MYOF: variants seen among roughly 807,000 people sequenced by gnomAD.
MYOF encodes the protein fer-1-like 3, myoferlin.
In MYOF, 244 loss-of-function variants were observed where a neutral mutation model predicts 284.2. The observed-to-expected ratio is 0.86, with a 90% CI of 0.77 to 0.95. MYOF has a LOEUF of 0.95. Among genes scored for constraint, MYOF ranks in the 40% least tolerant of loss-of-function variants. The probability of loss-of-function intolerance (pLI) is 0.00; values close to 1 mark genes in which losing one functional copy is unlikely to be tolerated. For missense variants in MYOF, 2,496 were observed against 2,560.6 expected (o/e 0.97, Z 0.54); for synonymous variants, 904 against 919.7 (o/e 0.98, Z 0.31).
At chr10:93,469,532 C>T (rs1240676850) in intron 1 of MYOF, among the ~76,000 whole-genome samples, 1 of 152,178 alleles carries the variant, frequency 6.6e-6, no homozygotes, top group Admixed American at 6.5e-5. Flanking sequence ...GAATTTGGGG[C>T]CCCAGACAAG....
chr10:93,407,099 G>T (rs999918683), intron 7 of MYOF, among the ~76,000 whole-genome samples: 1 of 152,106 alleles, frequency 6.6e-6, no homozygotes, highest in African/African-American at 2.4e-5. Flanking sequence ...TTTGAGGAGT[G>T]TTATAAAAGA....
In MYOF at chr10:93,336,004, G is replaced by A. The variant is rs758080623; in HGVS notation, c.4480C>T (p.Leu1494=). 6.2e-7 allele frequency: 1 copy of A among 1,614,086 alleles called. No homozygotes were observed. Among genetic ancestry groups the A allele is most frequent in the Non-Finnish European group, 8.5e-7 (1 of 1,179,998 alleles). Residue 1494 remains leucine (L), a synonymous_variant, in exon 41 of 54, where the codon CTG becomes TTG. Coordinates refer to ENST00000359263, the MANE Select transcript of MYOF (RefSeq NM_013451.4). ...ELENVAEFEG[L]TDFSDTFKLY... The stretch of plus-strand genomic sequence containing the variant: ...TTGAACGTATCTGAGAAGTCTGTCA[G>A]GCCCTCAAATTCTGCTACATTTTCT...
intron 3 of MYOF, among the ~76,000 whole-genome samples, chr10:93,433,781 G>A (rs533611512): frequency 1.3e-5 from 2 of 152,260 alleles, no homozygotes; most frequent in Admixed American, 6.5e-5. Context: ...CTCCGGGTAC[G>A]CCACATGGCA....
chr10:93,319,646 T>C (rs924269436), intron 49 of MYOF, among the ~76,000 whole-genome samples: 6 of 152,114 alleles, frequency 3.9e-5, no homozygotes, highest in African/African-American at 1.4e-4. Context: ...TATGTGAGTA[T>C]GTGAGGGGAA....
chr10:93,429,481 T>C (rs1848740155), intron 4 of MYOF, among the ~76,000 whole-genome samples: 1 of 152,192 alleles, frequency 6.6e-6, no homozygotes, highest in South Asian at 2.1e-4. Flanking sequence ...CTTCTGTGCT[T>C]TAAAAAAAGA....
At chr10:93,410,648 G>A (rs1293747458) in intron 5 of MYOF, among the ~76,000 whole-genome samples, 4 of 152,058 alleles carry the variant, frequency 2.6e-5, no homozygotes, top group African/African-American at 4.8e-5. Flanking sequence ...TTTGAAACTC[G>A]CTGACAAACT....
chr10:93,470,238 A>AAAG (rs1554874177), intron 1 of MYOF, among the ~76,000 whole-genome samples: 1 of 58,814 alleles, frequency 1.7e-5, no homozygotes, highest in African/African-American at 5.5e-5. Context: ...CAAAAAAAAA[A>AAAG]AAAGAAAGAA....
chr10:93,387,333 C>T (rs1017427749), intron 19 of MYOF, among the ~76,000 whole-genome samples: 1 of 152,198 alleles, frequency 6.6e-6, no homozygotes, highest in African/African-American at 2.4e-5. Context: ...ACACAGGCAT[C>T]GACCTGGATT....
intron 36 of MYOF, among the ~76,000 whole-genome samples, 169 bp downstream of exon 36, chr10:93,349,639 T>C: frequency 6.6e-6 from 1 of 151,062 alleles, no homozygotes; most frequent in Non-Finnish European, 1.5e-5. Context: ...AAATCATCAC[T>C]ACAGTGGGAG....
At position 93,390,734 on chromosome 10, in the gene MYOF, C is replaced by T. The variant is rs1015470256; in HGVS notation, c.1457-1580G>A. 9.3e-5 allele frequency among the ~76,000 whole-genome samples: 14 copies of T among 150,280 alleles called. No homozygotes were observed. In the South Asian group the frequency reaches 1.0e-3, roughly 11 times the overall value. ...TGTTTTAGTGGAGGGATGTTGGGTG[C>T]GAATAGAGAATTAAAGCAGAGACTC... On this transcript the variant is annotated intron_variant, in intron 17 of 53. Transcript: ENST00000359263.
intron 11 of MYOF, among the ~76,000 whole-genome samples, chr10:93,401,959 T>C (rs1394649229): frequency 6.6e-6 from 1 of 152,190 alleles, no homozygotes; most frequent in African/African-American, 2.4e-5. Context: ...GCTTTCTAGA[T>C]AAAAGCAGTC....
chr10:93,328,673 C>T, intron 45 of MYOF, 90 bp downstream of exon 45: 2 of 1,346,762 alleles, frequency 1.5e-6, no homozygotes, highest in Non-Finnish European at 2.1e-6. Context: ...AATTAGGGTA[C>T]TGGCTCTGTC....
chr10:93,442,111 T>C (rs2056284811), intron 3 of MYOF, among the ~76,000 whole-genome samples: 1 of 151,656 alleles, frequency 6.6e-6, no homozygotes, highest in Non-Finnish European at 1.5e-5. Context: ...ATCCACATGC[T>C]TCCACTTAAA....
intron 5 of MYOF, among the ~76,000 whole-genome samples, chr10:93,424,879 G>A (rs936811268): frequency 2.0e-5 from 3 of 149,838 alleles, no homozygotes; most frequent in Admixed American, 6.7e-5. Context: ...GAGCCCCGAG[G>A]AGCCACCTCA....
chr10:93,482,157 G>T lies in MYOF; in HGVS notation c.38C>A (p.Pro13His). 1 of 1,614,166 alleles carries T rather than the reference G, an allele frequency of 6.2e-7. No homozygotes were observed. The highest frequency in any genetic ancestry group is 8.5e-7 in the Non-Finnish European group (1 of 1,180,022). Reference protein sequence around the residue: ...RVIVESASNIPKTKFGKPDPI... With the variant: ...RVIVESASNIHKTKFGKPDPI... The stretch of plus-strand genomic sequence containing the variant: ...ATCCGGCTTGCCAAATTTCGTTTTA[G>T]GGATATTGCTGGCAGATTCCACAAT... The change falls in exon 1 of 54, where the codon CCT becomes CAT. Residue 13 changes from proline (P) to histidine (H), a missense_variant. By Grantham distance (77) the Pro-to-His change is moderately conservative. Coordinates refer to ENST00000359263, the MANE Select transcript of MYOF (RefSeq NM_013451.4).
At chr10:93,307,200 A>C (rs1842146220) in intron 53 of MYOF, among the ~76,000 whole-genome samples, 199 bp from the exon 54 acceptor site, 1 of 148,042 alleles carries the variant, frequency 6.8e-6, no homozygotes, top group Non-Finnish European at 1.5e-5. Flanking sequence ...CCCCCCGCCA[A>C]GTTGTTGCAA....
chr10:93,335,131 A>G (rs1055247943), intron 41 of MYOF, among the ~76,000 whole-genome samples: 1 of 152,234 alleles, frequency 6.6e-6, no homozygotes, highest in Non-Finnish European at 1.5e-5. Context: ...AAAGAGAGTG[A>G]CATTTGAGCT....
At position 93,313,161 on chromosome 10, in the gene MYOF, T is replaced by C; in HGVS notation, c.5748A>G (p.Pro1916=). The change falls in exon 51 of 54, where the codon CCA becomes CCG. Residue 1916 remains proline (P), a synonymous_variant. Coordinates refer to ENST00000359263, the MANE Select transcript of MYOF (RefSeq NM_013451.4). ...GAATCATGTCCAATCTGCATTTCTC[T>C]GGTGATTTTGCAGGAATGATCGTGT... The part of the protein sequence containing the change: ...LRHTIIPAKS[P]EKCRLDMIPD... 1.2e-6 allele frequency: 2 copies of C among 1,614,020 alleles called. No homozygotes were observed. The highest frequency in any genetic ancestry group is 1.7e-6 in the Non-Finnish European group (2 of 1,179,970).
chr10:93,453,131 C>T (rs1200860441), intron 2 of MYOF, among the ~76,000 whole-genome samples: 1 of 151,468 alleles, frequency 6.6e-6, no homozygotes, highest in Non-Finnish European at 1.5e-5. Context: ...TCAGTCTCCT[C>T]AGTAGCTGGG....
Sources: allele counts gnomAD v4.1 joint callset (sites outside exome capture counted in the v4.1 genomes callset), GRCh38; gene constraint gnomAD v4.1.1; transcripts MANE v1.5; gene names NCBI Gene and HGNC (gene_info 2026-07-23, HGNC 2026-07-21).